ACYP2: variants seen among roughly 807,000 people sequenced by gnomAD.
ACYP2 encodes the protein acylphosphatase 2, also known as acylphosphatase-2.
ACYP2 carries 12 observed loss-of-function variants against 11.2 expected under a neutral mutation model. The ratio of observed to expected loss-of-function variants is 1.08; its 90% CI spans 0.69 to 1.74. The LOEUF (loss-of-function observed/expected upper bound fraction) is 1.74, where lower values mean the gene tolerates loss of function less well. Ranked by LOEUF, ACYP2 falls within the 40% of genes most tolerant of loss-of-function variation. ACYP2 has a pLI of 0.00. For missense variants in ACYP2, 134 were observed against 101.9 expected (o/e 1.31, Z -1.35); for synonymous variants, 43 against 32.2 (o/e 1.33, Z -1.13).
intron 2 of ACYP2, among the ~76,000 whole-genome samples, chr2:54,023,263 C>G (rs1193948749): frequency 6.6e-6 from 1 of 152,056 alleles, no homozygotes; most frequent in East Asian, 1.9e-4. Flanking sequence ...TGAATAATCA[C>G]CCAGAAGTGG....
At chr2:54,102,178 G>C (rs764917026) in intron 4 of ACYP2, among the ~76,000 whole-genome samples, 8 of 152,142 alleles carry the variant, frequency 5.3e-5, no homozygotes, top group Non-Finnish European at 1.2e-4. Flanking sequence ...CAGTGCGTGA[G>C]AGTCTGTTTC....
At chr2:54,212,234 A>G (rs1405541537) in intron 6 of ACYP2, among the ~76,000 whole-genome samples, 1 of 152,192 alleles carries the variant, frequency 6.6e-6, no homozygotes, top group Non-Finnish European at 1.5e-5. Flanking sequence ...GTCTTTTAGA[A>G]AATTTGCTAA....
intron 2 of ACYP2, among the ~76,000 whole-genome samples, chr2:53,974,297 G>C (rs1183827412): frequency 1.3e-5 from 2 of 152,158 alleles, no homozygotes; most frequent in African/African-American, 2.4e-5. Context: ...ACAAAGAGCG[G>C]AAGAGAATGT....
At chr2:54,002,293 G>A (rs542693819) in intron 2 of ACYP2, among the ~76,000 whole-genome samples, 150 of 151,898 alleles carry the variant, frequency 9.9e-4, no homozygotes, top group African/African-American at 3.4e-3. Context: ...CTTTCACTTA[G>A]TAGTGTGTAT....
At chr2:54,137,799 A>G (rs945647855) in intron 5 of ACYP2, among the ~76,000 whole-genome samples, 6 of 152,200 alleles carry the variant, frequency 3.9e-5, no homozygotes, top group African/African-American at 1.2e-4. Context: ...TATATACCCA[A>G]TAATGGAATT....
intron 1 of ACYP2, among the ~76,000 whole-genome samples, chr2:53,972,740 A>C (rs1671230613): frequency 6.6e-6 from 1 of 152,258 alleles, no homozygotes; most frequent in African/African-American, 2.4e-5. Flanking sequence ...CTACTTCAGC[A>C]GAATGGCTTG....
chr2:54,214,324 G>A (rs954968001), intron 6 of ACYP2, among the ~76,000 whole-genome samples: 5 of 152,150 alleles, frequency 3.3e-5, no homozygotes, highest in African/African-American at 4.8e-5. Context: ...CAGGGCCTAC[G>A]TCTAGAATCT....
intron 6 of ACYP2, among the ~76,000 whole-genome samples, chr2:54,237,484 A>C (rs533372145): frequency 6.6e-6 from 1 of 152,206 alleles, no homozygotes; most frequent in Admixed American, 6.5e-5. Context: ...TGAAGTGAAA[A>C]ATGTTTTTTT....
intron 6 of ACYP2, among the ~76,000 whole-genome samples, chr2:54,292,009 A>G (rs1189082846): frequency 6.6e-6 from 1 of 152,212 alleles, no homozygotes; most frequent in Non-Finnish European, 1.5e-5. Context: ...AGCAAACTAT[A>G]GAAATCCAGA....
chr2:54,209,105 C>A (rs1397480869), intron 6 of ACYP2, among the ~76,000 whole-genome samples: 1 of 150,692 alleles, frequency 6.6e-6, no homozygotes, highest in African/African-American at 2.4e-5. Flanking sequence ...CACCCAGAAA[C>A]TGAAAAAAAT....
intron 6 of ACYP2, among the ~76,000 whole-genome samples, chr2:54,238,891 G>A (rs896089988): frequency 2.0e-5 from 3 of 151,522 alleles, no homozygotes; most frequent in Admixed American, 1.3e-4. Flanking sequence ...AAATAGGCCA[G>A]GCAGCTGGGT....
intron 4 of ACYP2, among the ~76,000 whole-genome samples, chr2:54,132,765 G>C (rs945809865): frequency 7.3e-6 from 1 of 136,246 alleles, no homozygotes; most frequent in Non-Finnish European, 1.5e-5. Context: ...TTTTTTTTGA[G>C]ACTGAGTCTC....
intron 6 of ACYP2, among the ~76,000 whole-genome samples, chr2:54,216,415 T>G (rs536647186): frequency 1.3e-5 from 2 of 152,350 alleles, no homozygotes; most frequent in Admixed American, 1.3e-4. Context: ...TGACATTTTA[T>G]TGGAATTATA....
chr2:54,150,331 A>T (rs995435407), intron 6 of ACYP2, among the ~76,000 whole-genome samples: 1 of 152,212 alleles, frequency 6.6e-6, no homozygotes. Context: ...AGACAAGCCG[A>T]GGGTGTTGTA....
At chr2:54,261,352 T>C (rs766186322) in intron 6 of ACYP2, among the ~76,000 whole-genome samples, 5 of 152,066 alleles carry the variant, frequency 3.3e-5, no homozygotes, top group Non-Finnish European at 7.4e-5. Context: ...CTGAAATGTT[T>C]TGTCAACTAG....
chr2:54,201,506 G>T (rs1173723363), intron 6 of ACYP2, among the ~76,000 whole-genome samples: 1 of 152,004 alleles, frequency 6.6e-6, no homozygotes, highest in African/African-American at 2.4e-5. Flanking sequence ...CTCCCATTCT[G>T]TAGGCTGTTT....
At chr2:54,004,567 T>C (rs557005137) in intron 2 of ACYP2, among the ~76,000 whole-genome samples, 21 of 151,656 alleles carry the variant, frequency 1.4e-4, no homozygotes, top group Admixed American at 7.9e-4. Context: ...CCTGCAACCA[T>C]GCCTGGCTAA....
At chr2:54,176,080 C>T (rs1006797153) in intron 6 of ACYP2, among the ~76,000 whole-genome samples, 4 of 152,112 alleles carry the variant, frequency 2.6e-5, no homozygotes, top group African/African-American at 9.7e-5. Context: ...TTCCTGGCAC[C>T]CAGAATTGTG....
At chr2:54,221,520 CTTTTTT>C in intron 6 of ACYP2, among the ~76,000 whole-genome samples, 1 of 127,294 alleles carries the variant, frequency 7.9e-6, no homozygotes, top group African/African-American at 3.0e-5. Flanking sequence ...GAATAAAATT[CTTTTTT>C]TTTTTTTTTT....
Sources: gnomAD v4.1 joint callset for allele counts (sites outside exome capture counted in the v4.1 genomes callset) on GRCh38, gnomAD v4.1.1 for gene constraint, MANE v1.5 for transcripts, NCBI Gene and HGNC (gene_info 2026-07-23, HGNC 2026-07-21) for gene names.